The following SOCS5 variants were observed in gnomAD, a reference collection of about 807,000 sequenced individuals.
SOCS5 encodes the protein CIS-6.
Under a neutral mutation model 42.8 loss-of-function variants are expected in SOCS5, and 32 were observed. The observed-to-expected ratio is 0.75, with a 90% confidence interval of 0.56 to 1.01. The LOEUF is 1.01. Among genes scored for constraint, SOCS5 ranks in the 50% least tolerant of loss-of-function variants. The probability of loss-of-function intolerance (pLI) is 0.00; values close to 1 mark genes in which losing one functional copy is unlikely to be tolerated. For missense variants in SOCS5, 627 were observed against 653.0 expected (o/e 0.96, Z 0.43); for synonymous variants, 283 against 229.6 (o/e 1.23, Z -2.10).
chr2:46,710,173 A>T (rs1672585765), intron 1 of SOCS5, among the ~76,000 whole-genome samples: 1 of 151,964 alleles, frequency 6.6e-6, no homozygotes, highest in South Asian at 2.1e-4. Flanking sequence ...TTTATGTAGC[A>T]TCTCGCTCTG....
At position 46,759,346 on chromosome 2, in the gene SOCS5, T is replaced by A. The variant is rs1239516797; in HGVS notation, c.816T>A (p.Ile272=). 5 of 1,613,812 alleles carry A rather than the reference T, an allele frequency of 3.1e-6. No homozygotes were observed. The African/African-American group carries it at 6.7e-5, about 22-fold the overall frequency. Residue 272 remains isoleucine (I), a synonymous_variant, in exon 2 of 2, where the codon ATT becomes ATA. Transcript: ENST00000394861. Reference sequence around the variant, plus strand: ...TTAGAGAGAGAAGGCGGCTTAGTATTGAAGAAGGGGTTGATCCCCCTCCCA... The same window carrying A: ...TTAGAGAGAGAAGGCGGCTTAGTATAGAAGAAGGGGTTGATCCCCCTCCCA... ...DRLRERRRLS[I]EEGVDPPPNA...
At chr2:46,745,291 T>C (rs954120149) in intron 1 of SOCS5, among the ~76,000 whole-genome samples, 106 of 152,326 alleles carry the variant, frequency 7.0e-4, no homozygotes, top group African/African-American at 2.5e-3. Flanking sequence ...GAAATGACTA[T>C]ACCTTAAACT....
chr2:46,741,161 A>T (rs983112208), intron 1 of SOCS5, among the ~76,000 whole-genome samples: 1 of 152,120 alleles, frequency 6.6e-6, no homozygotes, highest in Non-Finnish European at 1.5e-5. Flanking sequence ...ATATTTCATT[A>T]TTCATTTCTT....
At chr2:46,746,683 A>C (rs1252144093) in intron 1 of SOCS5, among the ~76,000 whole-genome samples, 1 of 150,938 alleles carries the variant, frequency 6.6e-6, no homozygotes, top group Non-Finnish European at 1.5e-5. Flanking sequence ...TGTCTCCTTT[A>C]AGGTTATATA....
At chr2:46,727,861 A>G (rs1275242209) in intron 1 of SOCS5, among the ~76,000 whole-genome samples, 1 of 152,118 alleles carries the variant, frequency 6.6e-6, no homozygotes, top group Non-Finnish European at 1.5e-5. Context: ...TTGAGAGGAA[A>G]AGCTGGGTCT....
At chr2:46,717,116 C>T (rs1356390952) in intron 1 of SOCS5, among the ~76,000 whole-genome samples, 2 of 152,122 alleles carry the variant, frequency 1.3e-5, no homozygotes, top group South Asian at 2.1e-4. Flanking sequence ...CTCGAGAAGA[C>T]CCCTTTTGCA....
intron 1 of SOCS5, among the ~76,000 whole-genome samples, chr2:46,739,182 A>G (rs1490176051): frequency 6.6e-6 from 1 of 152,196 alleles, no homozygotes; most frequent in African/African-American, 2.4e-5. Context: ...AGCAAAACAT[A>G]CATAACCATA....
At chr2:46,721,783 T>C (rs1422947156) in intron 1 of SOCS5, among the ~76,000 whole-genome samples, 3 of 152,170 alleles carry the variant, frequency 2.0e-5, no homozygotes. Flanking sequence ...GGGTTTATCT[T>C]GGAGGAAAAA....
At chr2:46,716,531 G>A (rs556523479) in intron 1 of SOCS5, among the ~76,000 whole-genome samples, 2 of 152,094 alleles carry the variant, frequency 1.3e-5, no homozygotes, top group East Asian at 3.9e-4. Context: ...CAGCTAGAGT[G>A]CAGTGGTGCA....
chr2:46,711,270 A>C (rs990758219), intron 1 of SOCS5, among the ~76,000 whole-genome samples: 6 of 152,216 alleles, frequency 3.9e-5, no homozygotes, highest in African/African-American at 1.2e-4. Context: ...TTACATTCCC[A>C]CTAGCAATCT....
At chr2:46,725,843 G>A (rs933648388) in intron 1 of SOCS5, among the ~76,000 whole-genome samples, 3 of 151,934 alleles carry the variant, frequency 2.0e-5, no homozygotes, top group African/African-American at 4.8e-5. Flanking sequence ...TTATTCAAAA[G>A]TGTCCTCATT....
chr2:46,729,451 C>G (rs1008380946), intron 1 of SOCS5, among the ~76,000 whole-genome samples: 1 of 152,206 alleles, frequency 6.6e-6, no homozygotes, highest in Non-Finnish European at 1.5e-5. Context: ...GTACTATACA[C>G]CTAGGCCGTA....
intron 1 of SOCS5, among the ~76,000 whole-genome samples, chr2:46,725,857 C>G (rs1046833879): frequency 2.0e-5 from 3 of 152,042 alleles, no homozygotes; most frequent in Non-Finnish European, 2.9e-5. Flanking sequence ...CCTCATTTTA[C>G]TTACTTCCCT....
rs1157108163 is a variant in SOCS5 at position 46,699,554 on chromosome 2, CCGCCCCCGGCTGT to C, written c.-13+114_-13+126del. ...CCCCAGTGCCCGCGCCCGGCGCATT[CCGCCCCCGGCTGT>C]CGCCCCCGCACCGCGGCGGAGGCAG... On this transcript the variant is annotated intron_variant, in intron 1 of 1. Coordinates refer to ENST00000394861, the MANE Select transcript of SOCS5 (RefSeq NM_144949.3). The surrounding 1 kb of genome is among the most constrained non-coding windows in gnomAD (Gnocchi z 4.8). 2.0e-5 allele frequency: 3 copies of C among 151,716 alleles called. No individual in the cohort carries two copies. Among genetic ancestry groups the C allele is most frequent in the Admixed American group, 2.0e-4 (3 of 15,182 alleles). 9.4% of individuals were successfully genotyped at this position (151,716 alleles called of 1,614,324 possible).
At chr2:46,739,718 T>C (rs1558408645) in intron 1 of SOCS5, among the ~76,000 whole-genome samples, 1 of 152,208 alleles carries the variant, frequency 6.6e-6, no homozygotes, top group African/African-American at 2.4e-5. Flanking sequence ...TTTAAACTTT[T>C]ACCATCTATA....
intron 1 of SOCS5, among the ~76,000 whole-genome samples, chr2:46,727,453 C>A (rs1228252283): frequency 1.3e-5 from 2 of 152,258 alleles, no homozygotes; most frequent in South Asian, 2.1e-4. Flanking sequence ...CATTATAAGA[C>A]TCTGGATCTT....
At chr2:46,712,551 C>A (rs1672648667) in intron 1 of SOCS5, among the ~76,000 whole-genome samples, 1 of 152,066 alleles carries the variant, frequency 6.6e-6, no homozygotes, top group African/African-American at 2.4e-5. Flanking sequence ...ACCATATTGG[C>A]CAGGCTGGTC....
At chr2:46,738,564 G>C (rs568375592) in intron 1 of SOCS5, among the ~76,000 whole-genome samples, 1 of 152,344 alleles carries the variant, frequency 6.6e-6, no homozygotes, top group Non-Finnish European at 1.5e-5. Flanking sequence ...GATTGGGACA[G>C]ACTTTTAGGC....
Position 46,726,544 on chromosome 2 carries a change from G to A in SOCS5, c.-13+27095G>A, listed in dbSNP as rs563086940. 1.5e-4 allele frequency among the ~76,000 whole-genome samples: 23 copies of A among 152,124 alleles called. 1 individual carries two copies. The East Asian group carries it at 4.2e-3, about 28-fold the overall frequency. On this transcript the variant is annotated intron_variant, in intron 1 of 1. Coordinates refer to ENST00000394861, the MANE Select transcript of SOCS5 (RefSeq NM_144949.3). Reference sequence around the variant, plus strand: ...CTTTCACTCTCCTTTCAGGATACCAGTGACACGAATGTCAGACCTTTTGAT... The same window carrying A: ...CTTTCACTCTCCTTTCAGGATACCAATGACACGAATGTCAGACCTTTTGAT...
Sources: gnomAD v4.1 joint callset for allele counts (sites outside exome capture counted in the v4.1 genomes callset) on GRCh38, gnomAD v4.1.1 for gene constraint, Gnocchi (gnomAD v3.1) non-coding constraint, MANE v1.5 for transcripts, NCBI Gene and HGNC (gene_info 2026-07-23, HGNC 2026-07-21) for gene names.